NDUFS8: variants seen among roughly 807,000 people sequenced by gnomAD.
NDUFS8 encodes NADH dehydrogenase [ubiquinone] iron-sulfur protein 8, mitochondrial.
In NDUFS8, 13 loss-of-function variants were observed where a neutral mutation model predicts 25.6. The ratio of observed to expected loss-of-function variants is 0.51; its 90% CI spans 0.33 to 0.81. The LOEUF (loss-of-function observed/expected upper bound fraction) is 0.81, where lower values mean the gene tolerates loss of function less well. NDUFS8 is among the 30% of genes least tolerant of loss of function. NDUFS8 has a pLI of 0.02. For synonymous variants in NDUFS8, 119 were observed against 119.4 expected, an observed-to-expected ratio of 1.00 and a Z score of 0.02; for missense variants, 257 against 300.9, an observed-to-expected ratio of 0.85 and a Z score of 1.08.
In NDUFS8 at chr11:68,036,268, G is replaced by T. The variant is rs750079497; in HGVS notation, c.388G>T (p.Ala130Ser). 2 of 1,612,866 alleles carry T rather than the reference G, an allele frequency of 1.2e-6. No individual in the cohort carries two copies. The highest frequency in any genetic ancestry group is 1.1e-5 in the South Asian group (1 of 91,064). Residue 130 changes from alanine to serine, a missense_variant, in exon 6 of 7, where the codon GCT (alanine) becomes TCT (serine). By Grantham distance (99) the Ala-to-Ser change is moderately conservative. Transcript: ENST00000313468. ...CCTCCCGCAGGCCATCACCATCGAG[G>T]CTGAGCCAAGAGCTGATGGCAGCCG... Reference protein sequence around the residue: ...ICPAQAITIEAEPRADGSRRT... With the variant: ...ICPAQAITIESEPRADGSRRT...
intron 1 of NDUFS8, 26 bp downstream of exon 1, chr11:68,030,759 A>C: frequency 2.9e-6 from 1 of 340,468 alleles, no homozygotes; most frequent in South Asian, 2.0e-5. Flanking sequence ...TTGGCCGTGA[A>C]AGTCGGGCTT....
At position 68,036,500 on chromosome 11, in the gene NDUFS8, G is replaced by C; in HGVS notation, c.540G>C (p.Glu180Asp). The C allele has an allele frequency of 6.2e-7, 1 of 1,614,140 alleles. No homozygotes were observed. Among genetic ancestry groups the C allele is most frequent in the Non-Finnish European group, 8.5e-7 (1 of 1,180,008 alleles). ...NFEFSTETHE[E>D]LLYNKEKLLN... ...AGTTCTCCACGGAGACCCATGAGGA[G>C]CTGCTGTACAACAAGGAGAAGTTGC... Residue 180 changes from glutamate (E) to aspartate (D), a missense_variant, in exon 7 of 7, where the codon GAG (glutamate) becomes GAC (aspartate). Physicochemically the swap from Glu to Asp is conservative, Grantham distance 45. Coordinates refer to ENST00000313468, the MANE Select transcript of NDUFS8 (RefSeq NM_002496.4).
chr11:68,030,986 C>G (rs1171570860), intron 1 of NDUFS8: 10 of 410,032 alleles, frequency 2.4e-5, no homozygotes, highest in Non-Finnish European at 5.0e-5. Flanking sequence ...GGGTTGGGTC[C>G]CTGGAACTGC....
At chr11:68,033,340 C>G (rs774419608) in intron 5 of NDUFS8, 57 bp downstream of exon 5, 1 of 1,562,248 alleles carries the variant, frequency 6.4e-7, no homozygotes, top group Non-Finnish European at 8.6e-7. Context: ...GAGAGGGAGG[C>G]CAGGCAGCCC....
At chr11:68,032,126 C>T (rs1201111648) in intron 1 of NDUFS8, 26 bp from the exon 2 acceptor site, 5 of 1,611,750 alleles carry the variant, frequency 3.1e-6, no homozygotes, top group African/African-American at 2.7e-5. Context: ...GCACACCCCA[C>T]CCTCCATCCC....
At chr11:68,032,449 T>C (rs1854790338) in intron 3 of NDUFS8, 113 bp downstream of exon 3, 2 of 1,578,462 alleles carry the variant, frequency 1.3e-6, no homozygotes, top group Non-Finnish European at 1.7e-6. Flanking sequence ...TCTCTGAGCC[T>C]GTTTCCACTT....
intron 3 of NDUFS8, 43 bp from the exon 4 acceptor site, chr11:68,032,880 T>G: frequency 6.3e-7 from 1 of 1,584,260 alleles, no homozygotes; most frequent in South Asian, 1.1e-5. Context: ...GGAGACAGTG[T>G]GTGAGGCCTC....
rs1191242637 is a variant in NDUFS8 at position 68,032,943 on chromosome 11, C to T, written c.130C>T (p.Pro44Ser). ...TGCAGAGTATGTGAACATGCAGGAT[C>T]CCGAGATGGACATGAAGTCAGTGAC... ...ATYKYVNMQD[P>S]EMDMKSVTDR... Residue 44 changes from proline to serine, a missense_variant, in exon 4 of 7, where the codon CCC (proline) becomes TCC (serine). Transcript: ENST00000313468. The T allele has an allele frequency of 1.2e-6, 2 of 1,613,904 alleles. No homozygotes were observed. Among genetic ancestry groups the T allele is most frequent in the African/African-American group, 1.3e-5 (1 of 75,040 alleles).
At chr11:68,032,702 A>G (rs1854795229) in intron 3 of NDUFS8, 2 of 790,636 alleles carry the variant, frequency 2.5e-6, no homozygotes, top group Non-Finnish European at 4.0e-6. Context: ...TCTGGGCTCC[A>G]ATGGCCACCC....
rs1057522484 is a variant in NDUFS8 at position 68,036,536 on chromosome 11, G to T, written c.576G>T (p.Gly192=). 2 of 1,614,096 alleles carry T rather than the reference G, an allele frequency of 1.2e-6. No homozygotes were observed. Among genetic ancestry groups the T allele is most frequent in the Non-Finnish European group, 1.7e-6 (2 of 1,180,008 alleles). ...ACAAGGAGAAGTTGCTCAACAACGGGGACAAGTGGGAGGCCGAGATCGCCG... is the reference window on the plus strand; with the variant it reads ...ACAAGGAGAAGTTGCTCAACAACGGTGACAAGTGGGAGGCCGAGATCGCCG... ...LYNKEKLLNN[G]DKWEAEIAAN... Residue 192 remains glycine, a synonymous_variant, in exon 7 of 7, where the codon GGG becomes GGT. Transcript: ENST00000313468.
chr11:68,032,084 C>T lies in NDUFS8; in HGVS notation c.1-68C>T, dbSNP rs1045277949. 46 of 1,603,098 alleles carry T rather than the reference C, an allele frequency of 2.9e-5. No homozygotes were observed. The South Asian group carries it at 3.2e-4, about 11-fold the overall frequency. ...TGTCAGTGGAGACTTGGGATCCTTG[C>T]GGTGCCAGTCTCAGAAGAGGATGGT... On this transcript the variant is annotated intron_variant, in intron 1 of 6. Coordinates refer to ENST00000313468, the MANE Select transcript of NDUFS8 (RefSeq NM_002496.4).
In NDUFS8 at chr11:68,033,140, C is replaced by G. The variant is rs146766138; in HGVS notation, c.229C>G (p.Arg77Gly). 6.2e-7 allele frequency: 1 copy of G among 1,612,800 alleles called. No homozygotes were observed. The highest frequency in any genetic ancestry group is 8.5e-7 in the Non-Finnish European group (1 of 1,179,752). The change falls in exon 5 of 7, where the codon CGG (arginine) becomes GGG (glycine). Residue 77 changes from arginine (R) to glycine (G), a missense_variant. Transcript: ENST00000313468. ...GGGCATGACCCTGAGCTACCTGTTCCGGGAACCGGCCACCATCAACTACCC... is the reference window on the plus strand; with the variant it reads ...GGGCATGACCCTGAGCTACCTGTTCGGGGAACCGGCCACCATCAACTACCC... ...GLGMTLSYLF[R>G]EPATINYPFE... is the part of the protein sequence containing the mutation.
intron 5 of NDUFS8, 158 bp downstream of exon 5, chr11:68,033,441 G>A (rs1431791389): frequency 3.4e-6 from 3 of 891,162 alleles, no homozygotes; most frequent in Middle Eastern, 2.1e-4. Context: ...GGAATGATGA[G>A]GGCTTGTTAC....
At chr11:68,035,894 T>G in intron 5 of NDUFS8, 1 of 369,662 alleles carries the variant, frequency 2.7e-6, no homozygotes, top group Non-Finnish European at 5.3e-6. Flanking sequence ...TGATGCACAC[T>G]TGTAGTCCCA....
Position 68,032,222 on chromosome 11 carries a change from A to G in NDUFS8, c.58+13A>G. 6.2e-7 allele frequency: 1 copy of G among 1,613,608 alleles called. No homozygotes were observed. Among genetic ancestry groups the G allele is most frequent in the Non-Finnish European group, 8.5e-7 (1 of 1,180,020 alleles). The stretch of plus-strand genomic sequence containing the variant: ...GCTGCACGTGCAGGTAGGACCAAAG[A>G]AGCCTTTGCTGGGGGTAGGGGAGTC... On this transcript the variant is annotated intron_variant, in intron 2 of 6. Transcript: ENST00000313468.
At position 68,032,335 on chromosome 11, in the gene NDUFS8, C is replaced by T. The variant is rs1333209144; in HGVS notation, c.108C>T (p.Tyr36=). The change falls in exon 3 of 7, where the codon TAC becomes TAT. Residue 36 remains tyrosine, a splice_region_variant and synonymous_variant. Coordinates refer to ENST00000313468, the MANE Select transcript of NDUFS8 (RefSeq NM_002496.4). ...ACAGCAGTGCAGTGGCAGCCACCTA[C>T]AGTGAGTACCTGGGTGGCCTCTAGC... The part of the protein sequence containing the change: ...SLHSSAVAAT[Y]KYVNMQDPEM... The T allele has an allele frequency of 1.9e-6, 3 of 1,613,302 alleles. No individual in the cohort carries two copies. The highest frequency in any genetic ancestry group is 1.3e-5 in the African/African-American group (1 of 75,040).
At chr11:68,036,193 G>A in intron 5 of NDUFS8, 60 bp from the exon 6 acceptor site, 2 of 1,607,886 alleles carry the variant, frequency 1.2e-6, no homozygotes, top group Non-Finnish European at 8.5e-7. Context: ...CAGTGACAGG[G>A]GCCCTGGGGG....
intron 5 of NDUFS8, 72 bp downstream of exon 5, chr11:68,033,355 C>A: frequency 6.5e-7 from 1 of 1,533,606 alleles, no homozygotes; most frequent in Non-Finnish European, 8.8e-7. Context: ...CAGCCCTAGG[C>A]CCAAACCCTA....
Position 68,033,239 on chromosome 11 carries a change from C to G in NDUFS8, c.328C>G (p.Arg110Gly). Residue 110 changes from arginine (R) to glycine (G), a missense_variant, in exon 5 of 7, where the codon CGT becomes GGT. Transcript: ENST00000313468. ...GCGCCGGTACCCATCCGGGGAGGAG[C>G]GTTGCATTGCCTGCAAGCTCTGCGA... Reference protein sequence around the residue: ...ALRRYPSGEERCIACKLCEAI... With the variant: ...ALRRYPSGEEGCIACKLCEAI... 1 of 1,611,006 alleles carries G rather than the reference C, an allele frequency of 6.2e-7. No homozygotes were observed. The highest frequency in any genetic ancestry group is 1.3e-5 in the African/African-American group (1 of 75,020).
Sources: gnomAD v4.1 joint callset for allele counts on GRCh38, gnomAD v4.1.1 for gene constraint, MANE v1.5 for transcripts, NCBI Gene and HGNC (gene_info 2026-07-23, HGNC 2026-07-21) for gene names.